Variants in ZFAT observed in about 807,000 individuals in gnomAD.
The protein encoded by ZFAT is zinc finger protein ZFAT.
In ZFAT, 64 loss-of-function variants were observed where a neutral mutation model predicts 117.7. The ratio of observed to expected loss-of-function variants is 0.54; its 90% CI spans 0.44 to 0.67. The LOEUF is 0.67. Among genes scored for constraint, ZFAT ranks in the 30% least tolerant of loss-of-function variants. ZFAT has a pLI of 0.00. For synonymous variants in ZFAT, 679 were observed against 615.0 expected (o/e 1.10, Z -1.54); for missense variants, 1,433 against 1,584.5 (o/e 0.90, Z 1.62).
intron 12 of ZFAT, among the ~76,000 whole-genome samples, chr8:134,524,531 C>T (rs1463045871): frequency 6.6e-6 from 1 of 152,186 alleles, no homozygotes; most frequent in Non-Finnish European, 1.5e-5. Flanking sequence ...AAACTATGGA[C>T]AATTTTCCTC....
At chr8:134,771,237 C>G in the ZFAT span, among the ~76,000 whole-genome samples, 1 of 152,220 alleles carries the variant, frequency 6.6e-6, no homozygotes, top group South Asian at 2.1e-4. Flanking sequence ...TTTAAAATTT[C>G]TCTCTTTTGT....
the ZFAT span, among the ~76,000 whole-genome samples, chr8:134,791,161 T>C: frequency 3.9e-5 from 6 of 152,214 alleles, no homozygotes; most frequent in African/African-American, 1.2e-4. Context: ...TAAGCATGGA[T>C]ATTCTGAAAG....
chr8:134,653,825 A>C (rs985275368), intron 2 of ZFAT, among the ~76,000 whole-genome samples: 1 of 152,170 alleles, frequency 6.6e-6, no homozygotes, highest in Non-Finnish European at 1.5e-5. Context: ...CAGAACACAT[A>C]TTATGATCCC....
At chr8:134,509,807 A>T in intron 14 of ZFAT, 58 bp from the exon 15 acceptor site, 1 of 1,532,916 alleles carries the variant, frequency 6.5e-7, no homozygotes, top group Non-Finnish European at 8.7e-7. Context: ...AAGGACATGG[A>T]ATGCAAAACC....
the ZFAT span, among the ~76,000 whole-genome samples, chr8:134,756,841 G>A: frequency 1.3e-5 from 2 of 152,206 alleles, no homozygotes; most frequent in Non-Finnish European, 2.9e-5. Context: ...CGCAGTTGCT[G>A]TGCAAGCTGC....
intron 5 of ZFAT, among the ~76,000 whole-genome samples, chr8:134,607,454 T>G (rs758340505): frequency 6.6e-5 from 10 of 152,256 alleles, no homozygotes; most frequent in Non-Finnish European, 1.5e-4. Context: ...AAAATTCTAT[T>G]AGACAGTCTT....
At chr8:134,752,302 C>G in the ZFAT span, among the ~76,000 whole-genome samples, 1 of 152,192 alleles carries the variant, frequency 6.6e-6, no homozygotes, top group African/African-American at 2.4e-5. Flanking sequence ...ACTTCTGAAC[C>G]TGCCACAAAA....
chr8:134,718,863 C>T, the ZFAT span, among the ~76,000 whole-genome samples: 13 of 152,132 alleles, frequency 8.5e-5, no homozygotes, highest in African/African-American at 3.1e-4. Flanking sequence ...CTGGTGTCCA[C>T]GACTAGAGGG....
intron 5 of ZFAT, among the ~76,000 whole-genome samples, chr8:134,606,069 G>A (rs1827869244): frequency 6.6e-6 from 1 of 152,182 alleles, no homozygotes; most frequent in African/African-American, 2.4e-5. Flanking sequence ...CAAGAGGGAG[G>A]AAAGGCATCC....
intron 4 of ZFAT, 102 bp from the exon 5 acceptor site, chr8:134,608,981 T>C: frequency 7.4e-7 from 1 of 1,353,944 alleles, no homozygotes; most frequent in Non-Finnish European, 9.8e-7. Flanking sequence ...ATTTCTATAC[T>C]GTCTGATACC....
chr8:134,505,546 G>A (rs955557762), intron 15 of ZFAT, among the ~76,000 whole-genome samples: 13 of 152,162 alleles, frequency 8.5e-5, no homozygotes, highest in African/African-American at 2.9e-4. Context: ...ATCTGGGTGG[G>A]TCCAATGTCA....
intron 10 of ZFAT, among the ~76,000 whole-genome samples, chr8:134,583,496 G>C (rs1387492011): frequency 6.6e-6 from 1 of 152,164 alleles, no homozygotes; most frequent in Admixed American, 6.5e-5. Context: ...TTGAGCTCCA[G>C]GTGGTGATGG....
the ZFAT span, among the ~76,000 whole-genome samples, chr8:134,781,603 A>G: frequency 0.36 from 54,204 of 151,948 alleles, 10,098 homozygotes; most frequent in East Asian, 0.6. Flanking sequence ...GTTACAGTGC[A>G]TGCTTGAACA....
the ZFAT span, among the ~76,000 whole-genome samples, chr8:134,734,354 T>A: frequency 6.6e-6 from 1 of 152,254 alleles, no homozygotes; most frequent in Non-Finnish European, 1.5e-5. Context: ...CAGTCTTTAT[T>A]TTTAGGAAAG....
chr8:134,774,366 A>G, the ZFAT span, among the ~76,000 whole-genome samples: 8 of 152,180 alleles, frequency 5.3e-5, no homozygotes, highest in African/African-American at 1.9e-4. Context: ...AGCTACAGAT[A>G]TCTTTTGTGA....
intron 1 of ZFAT, among the ~76,000 whole-genome samples, chr8:134,675,690 A>C (rs2131279592): frequency 6.6e-6 from 1 of 152,346 alleles, no homozygotes; most frequent in Non-Finnish European, 1.5e-5. Context: ...CAACAGCCAG[A>C]GAGAAAGGTC....
At chr8:134,677,851 C>CAT (rs1157971723) in intron 1 of ZFAT, among the ~76,000 whole-genome samples, 1 of 151,946 alleles carries the variant, frequency 6.6e-6, no homozygotes, top group Admixed American at 6.6e-5. Flanking sequence ...ACAAAAACCA[C>CAT]GATTATCTCA....
At chr8:134,626,169 G>C (rs1829485988) in intron 3 of ZFAT, among the ~76,000 whole-genome samples, 1 of 152,218 alleles carries the variant, frequency 6.6e-6, no homozygotes, top group Non-Finnish European at 1.5e-5. Context: ...TGCAGTGTCA[G>C]CCCTGTTTCT....
chr8:134,622,391 G>C (rs764062511), intron 3 of ZFAT, among the ~76,000 whole-genome samples: 3 of 152,176 alleles, frequency 2.0e-5, no homozygotes, highest in African/African-American at 7.2e-5. Flanking sequence ...AACGTGGAAT[G>C]CAAACCTTAA....
Sources: gnomAD v4.1 joint callset for allele counts (sites outside exome capture counted in the v4.1 genomes callset) on GRCh38, gnomAD v4.1.1 for gene constraint, MANE v1.5 for transcripts, NCBI Gene and HGNC (gene_info 2026-07-23, HGNC 2026-07-21) for gene names.